PCTP: variants seen among roughly 807,000 people sequenced by gnomAD.
PCTP encodes the protein START domain-containing protein 2.
A neutral mutation model predicts 31.0 loss-of-function variants in PCTP; 27 were observed. The observed-to-expected ratio is 0.87, with a 90% confidence interval of 0.64 to 1.20. The LOEUF (loss-of-function observed/expected upper bound fraction) is 1.20. Ranked by LOEUF, PCTP falls within the 50% of genes most tolerant of loss-of-function variation. PCTP has a pLI of 0.00. For synonymous variants in PCTP, 108 were observed against 101.2 expected (o/e 1.07, Z -0.40); for missense variants, 287 against 268.2 (o/e 1.07, Z -0.49).
intron 1 of PCTP, among the ~76,000 whole-genome samples, chr17:55,766,568 A>G (rs4458059): frequency 0.82 from 123,763 of 151,394 alleles, 54,289 homozygotes; most frequent in Non-Finnish European, 0.98. Flanking sequence ...AATTTCATCC[A>G]TGTCCCTACA....
intron 2 of PCTP, chr17:55,770,020 A>G (rs1428831065): frequency 6.6e-6 from 1 of 152,236 alleles, no homozygotes; most frequent in Non-Finnish European, 1.5e-5. Context: ...TTTTCTTTCA[A>G]AACCTAAATT....
chr17:55,801,999 A>G (rs1048262808), intron 3 of PCTP, among the ~76,000 whole-genome samples: 3 of 152,180 alleles, frequency 2.0e-5, no homozygotes, highest in African/African-American at 7.2e-5. Flanking sequence ...AGAGAGAAGA[A>G]TCAAATAGAC....
intron 1 of PCTP, among the ~76,000 whole-genome samples, chr17:55,761,175 T>C (rs940091237): frequency 6.6e-6 from 1 of 152,150 alleles, no homozygotes; most frequent in African/African-American, 2.4e-5. Context: ...AAGGTAGAGA[T>C]AACACCAACT....
chr17:55,810,411 A>C (rs569004416), intron 3 of PCTP, among the ~76,000 whole-genome samples: 1 of 152,322 alleles, frequency 6.6e-6, no homozygotes, highest in South Asian at 2.1e-4. Context: ...GGCCTAGCTG[A>C]ATATCCACCT....
chr17:55,851,707 A>AT, the PCTP span, among the ~76,000 whole-genome samples: 1 of 151,984 alleles, frequency 6.6e-6, no homozygotes, highest in Non-Finnish European at 1.5e-5. Flanking sequence ...CAATGGATTT[A>AT]TTTTTTTTCT....
chr17:55,757,208 GTA>G (rs1025123337), intron 1 of PCTP, among the ~76,000 whole-genome samples: 18 of 149,722 alleles, frequency 1.2e-4, no homozygotes, highest in Non-Finnish European at 5.9e-5. Flanking sequence ...GCTTGTGTGT[GTA>G]TATATGTATA....
chr17:55,779,223 T>C (rs778467256), downstream of PCTP, among the ~76,000 whole-genome samples: 25 of 152,234 alleles, frequency 1.6e-4, no homozygotes, highest in Non-Finnish European at 2.5e-4. Context: ...GAGAAAGATA[T>C]GGTGCCTGCC....
At chr17:55,803,816 T>C (rs540580058) in intron 3 of PCTP, among the ~76,000 whole-genome samples, 1 of 148,788 alleles carries the variant, frequency 6.7e-6, no homozygotes, top group South Asian at 2.1e-4. Context: ...GCTTCATGAC[T>C]AAAACACCAA....
intron 2 of PCTP, chr17:55,770,206 A>T (rs1476449684): frequency 6.6e-6 from 1 of 152,222 alleles, no homozygotes; most frequent in Non-Finnish European, 1.5e-5. Context: ...AAGGATTATT[A>T]GGGAAATTTG....
At chr17:55,771,665 G>T (rs1380043067) in intron 3 of PCTP, among the ~76,000 whole-genome samples, 1 of 152,128 alleles carries the variant, frequency 6.6e-6, no homozygotes, top group African/African-American at 2.4e-5. Context: ...AGACCCCACA[G>T]AAATCCCTCC....
chr17:55,793,449 C>G (rs1567723253), intron 3 of PCTP, among the ~76,000 whole-genome samples: 2 of 152,114 alleles, frequency 1.3e-5, no homozygotes, highest in Non-Finnish European at 2.9e-5. Flanking sequence ...TTCAAATCTT[C>G]TCTACCTTTT....
chr17:55,780,720 A>ACAGCCACC (rs1408769161), downstream of PCTP, among the ~76,000 whole-genome samples: 1 of 152,196 alleles, frequency 6.6e-6, no homozygotes, highest in Non-Finnish European at 1.5e-5. Context: ...AGCTGAGTGC[A>ACAGCCACC]CAGCCACCCA....
At chr17:55,771,616 C>G (rs1034036198) in intron 3 of PCTP, among the ~76,000 whole-genome samples, 2 of 152,192 alleles carry the variant, frequency 1.3e-5, no homozygotes, top group African/African-American at 4.8e-5. Context: ...GAACTCAGGC[C>G]TCTGCATTTC....
At chr17:55,798,806 A>G (rs987969737) in intron 3 of PCTP, among the ~76,000 whole-genome samples, 2 of 152,002 alleles carry the variant, frequency 1.3e-5, no homozygotes, top group African/African-American at 4.8e-5. Flanking sequence ...AGAACAACAT[A>G]AAGATTACAT....
intron 3 of PCTP, among the ~76,000 whole-genome samples, chr17:55,809,545 C>T (rs866860009): frequency 7.2e-6 from 1 of 139,522 alleles, no homozygotes; most frequent in South Asian, 2.4e-4. Flanking sequence ...TTTTTGGAGA[C>T]GAAGTCTTGC....
chr17:55,762,031 C>A (rs1910365707), intron 1 of PCTP, among the ~76,000 whole-genome samples: 2 of 152,142 alleles, frequency 1.3e-5, no homozygotes, highest in South Asian at 4.1e-4. Context: ...CTGCAGGCAT[C>A]TTGGGAGTTG....
intron 1 of PCTP, among the ~76,000 whole-genome samples, chr17:55,761,015 T>C (rs1910313636): frequency 6.6e-6 from 1 of 152,198 alleles, no homozygotes; most frequent in Non-Finnish European, 1.5e-5. Context: ...GGGAATGACA[T>C]GCAGAGAAAA....
At chr17:55,810,748 A>G (rs1912725979) in intron 3 of PCTP, among the ~76,000 whole-genome samples, 1 of 152,234 alleles carries the variant, frequency 6.6e-6, no homozygotes, top group African/African-American at 2.4e-5. Context: ...AGAGGAAACC[A>G]TAGTCAGGAG....
At chr17:55,849,648 A>T in the PCTP span, among the ~76,000 whole-genome samples, 1 of 152,028 alleles carries the variant, frequency 6.6e-6, no homozygotes, top group South Asian at 2.1e-4. Flanking sequence ...AAATAGAAAT[A>T]AAAAATAGCA....
Sources: gnomAD v4.1 joint callset for allele counts (sites outside exome capture counted in the v4.1 genomes callset) on GRCh38, gnomAD v4.1.1 for gene constraint, MANE v1.5 for transcripts, NCBI Gene and HGNC (gene_info 2026-07-23, HGNC 2026-07-21) for gene names.